LPA: variants seen among roughly 807,000 people sequenced by gnomAD.
LPA encodes lipoprotein(a).
In LPA, 199 loss-of-function variants were observed where a neutral mutation model predicts 197.9. That is an observed-to-expected ratio of 1.01 (90% CI 0.90 to 1.13). The LOEUF is 1.13. LPA is among the 50% of genes most tolerant of loss of function. The probability of loss-of-function intolerance (pLI) is 0.00; values close to 1 mark genes in which losing one functional copy is unlikely to be tolerated. For missense variants in LPA, 1,853 were observed against 1,785.8 expected, an observed-to-expected ratio of 1.04 and a Z score of -0.68; for synonymous variants, 715 against 639.5, an observed-to-expected ratio of 1.12 and a Z score of -1.78.
intron 38 of LPA, 30 bp downstream of exon 38, chr6:160,532,501 C>G: frequency 1.3e-6 from 2 of 1,517,152 alleles, no homozygotes; most frequent in Non-Finnish European, 1.8e-6. Flanking sequence ...CGGGAGAGCA[C>G]AAGACTTTGA....
At chr6:160,554,649 T>C (rs545525848) in intron 30 of LPA, among the ~76,000 whole-genome samples, 41 of 152,114 alleles carry the variant, frequency 2.7e-4, no homozygotes, top group Non-Finnish European at 5.1e-4. Context: ...GGCGTCACCA[T>C]TGAGCTCACT....
intron 1 of LPA, among the ~76,000 whole-genome samples, chr6:160,660,157 G>T (rs1780201151): frequency 6.6e-6 from 1 of 152,144 alleles, no homozygotes; most frequent in Non-Finnish European, 1.5e-5. Context: ...CCCAAAGAAG[G>T]TTGTATAGCA....
chr6:160,594,722 T>C lies in LPA; in HGVS notation c.3470-605A>G, dbSNP rs41271030. 6.2e-3 allele frequency among the ~76,000 whole-genome samples: 950 copies of C among 152,288 alleles called. 8 individuals carry two copies. The highest frequency in any genetic ancestry group is 0.01 in the Non-Finnish European group (685 of 68,016). On this transcript the variant is annotated intron_variant, in intron 21 of 38. Transcript: ENST00000316300. ...CAACAAAGTAGATATCCACTACTCT[T>C]CTTCTCAGAGACCAACACAGATATA...
Position 160,585,110 on chromosome 6 carries a change from A to G in LPA, c.4225T>C (p.Cys1409Arg), listed in dbSNP as rs1778883082. The change falls in exon 26 of 39, where the codon TGT (cysteine) becomes CGT (arginine). Residue 1409 changes from cysteine (C) to arginine (R), a missense_variant. By Grantham distance (180) the Cys-to-Arg change is radical. Transcript: ENST00000316300. ...TLSTTITGRTCQSWSSMTPHW... is the reference protein window; with the variant it reads ...TLSTTITGRTRQSWSSMTPHW... ...GGTGTCATAGACGACCAAGACTGAC[A>G]TGTTCTTCCTGTGATAGTGGTGGAG... 3 of 1,613,862 alleles carry G rather than the reference A, an allele frequency of 1.9e-6. No individual in the cohort carries two copies. The highest frequency in any genetic ancestry group is 1.3e-5 in the African/African-American group (1 of 75,004).
In LPA at chr6:160,578,638, A is replaced by G; in HGVS notation, c.4356T>C (p.Asp1452=). 1.2e-6 allele frequency: 2 copies of G among 1,614,006 alleles called. No individual in the cohort carries two copies. Among genetic ancestry groups the G allele is most frequent in the Non-Finnish European group, 1.7e-6 (2 of 1,179,918 alleles). ...TGCAGTACTCCCACCTGACACTGGG[A>G]TCCATGGTGTAACACCAAGGGCGAA... is the stretch of plus-strand genomic sequence containing the variant. ...AEIRPWCYTM[D]PSVRWEYCNL... Residue 1452 remains aspartate (D), a synonymous_variant, in exon 27 of 39, where the codon GAT becomes GAC. Transcript: ENST00000316300.
intron 16 of LPA, 101 bp downstream of exon 16, chr6:160,611,461 T>A (rs1238857247): frequency 2.6e-6 from 4 of 1,546,324 alleles, no homozygotes; most frequent in African/African-American, 1.4e-5. Context: ...CATCTGAATC[T>A]GACACAAGTT....
chr6:160,647,789 T>C (rs1779927114), intron 2 of LPA, among the ~76,000 whole-genome samples: 5 of 152,226 alleles, frequency 3.3e-5, no homozygotes, highest in Admixed American at 3.3e-4. Context: ...TACTTCTACA[T>C]ATGGTAAAGT....
chr6:160,597,635 T>A (rs1184889123), intron 20 of LPA, among the ~76,000 whole-genome samples: 4 of 152,266 alleles, frequency 2.6e-5, no homozygotes, highest in Non-Finnish European at 4.4e-5. Context: ...TAATTTGATT[T>A]GACTCTTTTA....
chr6:160,581,007 T>C (rs771985283), intron 26 of LPA, among the ~76,000 whole-genome samples: 3 of 151,476 alleles, frequency 2.0e-5, no homozygotes, highest in Admixed American at 6.6e-5. Context: ...TAAGATACTA[T>C]ACTTTTTCAT....
intron 30 of LPA, among the ~76,000 whole-genome samples, chr6:160,550,597 A>C (rs1208105122): frequency 6.6e-6 from 1 of 152,228 alleles, no homozygotes; most frequent in East Asian, 1.9e-4. Flanking sequence ...TCTGATGAAC[A>C]TGTACACTTG....
chr6:160,552,242 A>G lies in LPA; in HGVS notation c.4974-3583T>C, dbSNP rs192585254. On this transcript the variant is annotated intron_variant, in intron 30 of 38. Coordinates refer to ENST00000316300, the MANE Select transcript of LPA (RefSeq NM_005577.4). ...CACATGTCTTGATTCCTGTACTTTT[A>G]TAAGTCTTTATATTAAGGTATATAA... 1.2e-4 allele frequency among the ~76,000 whole-genome samples: 19 copies of G among 152,264 alleles called. No homozygotes were observed. The East Asian group carries it at 3.7e-3, about 29-fold the overall frequency.
chr6:160,578,781 T>C, intron 26 of LPA, 77 bp from the exon 27 acceptor site: 1 of 1,604,978 alleles, frequency 6.2e-7, no homozygotes. Flanking sequence ...TACATTTTGC[T>C]GTAACAAAGT....
chr6:160,596,007 G>C (rs964681917), intron 20 of LPA, among the ~76,000 whole-genome samples: 1 of 152,160 alleles, frequency 6.6e-6, no homozygotes, highest in Non-Finnish European at 1.5e-5. Flanking sequence ...TTCTCTGTCA[G>C]CCTCTCTGTA....
At chr6:160,651,012 G>A (rs550771471) in intron 1 of LPA, among the ~76,000 whole-genome samples, 1 of 152,310 alleles carries the variant, frequency 6.6e-6, no homozygotes, top group Admixed American at 6.5e-5. Flanking sequence ...TCAGGGATAG[G>A]TAGATGATCA....
intron 26 of LPA, among the ~76,000 whole-genome samples, chr6:160,580,183 G>C (rs117945468): frequency 0.012 from 1,795 of 152,270 alleles, 16 homozygotes; most frequent in Non-Finnish European, 0.019. Flanking sequence ...TTTGAGGTTT[G>C]TTCATGCTTC....
At chr6:160,576,397 T>C (rs1301308413) in intron 28 of LPA, among the ~76,000 whole-genome samples, 11 of 49,442 alleles carry the variant, frequency 2.2e-4, no homozygotes, top group African/African-American at 1.2e-3. Context: ...TATGTATATA[T>C]ATATATATAT....
chr6:160,610,497 T>A (rs1562344336), intron 16 of LPA, among the ~76,000 whole-genome samples: 1 of 152,196 alleles, frequency 6.6e-6, no homozygotes, highest in Non-Finnish European at 1.5e-5. Context: ...ATCTCTATCT[T>A]CTTAATTGAG....
intron 1 of LPA, among the ~76,000 whole-genome samples, chr6:160,655,848 A>C (rs1299058856): frequency 6.6e-6 from 1 of 152,200 alleles, no homozygotes; most frequent in Non-Finnish European, 1.5e-5. Context: ...AAAAGCGAGC[A>C]AGGTCTCTCC....
In LPA at chr6:160,656,121, C is replaced by A. The variant is rs143113709; in HGVS notation, c.50-5624G>T. Among the ~76,000 whole-genome samples the A allele has an allele frequency of 5.3e-5, 8 of 152,358 alleles. No individual in the cohort carries two copies. The East Asian group carries it at 1.2e-3, about 22-fold the overall frequency. On this transcript the variant is annotated intron_variant, in intron 1 of 38. Transcript: ENST00000316300. ...GGTTAAGCTTAAAATAATCCACCAT[C>A]ATTTTCCAAGATCCATCTGTCCTCT... is the stretch of plus-strand genomic sequence containing the variant.
Sources: allele counts gnomAD v4.1 joint callset (sites outside exome capture counted in the v4.1 genomes callset), GRCh38; gene constraint gnomAD v4.1.1; transcripts MANE v1.5; gene names NCBI Gene and HGNC (gene_info 2026-07-23, HGNC 2026-07-21).